Variants in NCOA7 observed in about 807,000 individuals in gnomAD.
The protein encoded by NCOA7 is nuclear receptor coactivator 7.
NCOA7 carries 45 observed loss-of-function variants against 104.3 expected under a neutral mutation model. The observed-to-expected ratio is 0.43, with a 90% CI of 0.34 to 0.55. The LOEUF is 0.55. Ranked by LOEUF, NCOA7 falls within the 20% of genes least tolerant of loss-of-function variation. The probability of loss-of-function intolerance (pLI) is 0.02; values close to 1 mark genes in which losing one functional copy is unlikely to be tolerated. For synonymous variants in NCOA7, 398 were observed against 402.3 expected (o/e 0.99, Z 0.13); for missense variants, 1,041 against 1,119.7 (o/e 0.93, Z 1.00).
At chr6:125,899,285 T>C (rs914440399) in intron 10 of NCOA7, among the ~76,000 whole-genome samples, 8 of 152,240 alleles carry the variant, frequency 5.3e-5, no homozygotes, top group African/African-American at 1.9e-4. Context: ...CCTAGTTTTC[T>C]AGCATGAAAT....
intron 10 of NCOA7, among the ~76,000 whole-genome samples, chr6:125,893,635 G>A (rs1362098108): frequency 2.0e-5 from 3 of 152,162 alleles, no homozygotes; most frequent in African/African-American, 7.2e-5. Flanking sequence ...GGACAGCAAC[G>A]ATGGAAACCT....
intron 3 of NCOA7, among the ~76,000 whole-genome samples, chr6:125,858,051 TTTC>T (rs796811812): frequency 6.1e-4 from 93 of 152,214 alleles, no homozygotes; most frequent in African/African-American, 2.1e-3. Flanking sequence ...TCAGTCATCA[TTTC>T]TTCCAGAAGC....
chr6:125,920,833 T>G, intron 11 of NCOA7, 110 bp from the exon 12 acceptor site: 1 of 1,386,810 alleles, frequency 7.2e-7, no homozygotes, highest in Non-Finnish European at 9.7e-7. Context: ...GATTTCCTGC[T>G]GCCGAAGCGT....
intron 1 of NCOA7, among the ~76,000 whole-genome samples, chr6:125,783,982 T>C (rs899765366): frequency 6.6e-6 from 1 of 152,222 alleles, no homozygotes; most frequent in Non-Finnish European, 1.5e-5. Flanking sequence ...TTTACAATCT[T>C]CTGCTGTTAC....
At chr6:125,884,628 T>A (rs1332406275) in intron 7 of NCOA7, among the ~76,000 whole-genome samples, 1 of 152,232 alleles carries the variant, frequency 6.6e-6, no homozygotes, top group Non-Finnish European at 1.5e-5. Flanking sequence ...TGTTCCTATT[T>A]ACTTTGACTT....
At chr6:125,790,513 C>A (rs968266542), upstream of NCOA7, among the ~76,000 whole-genome samples, 7 of 152,136 alleles carry the variant, frequency 4.6e-5, no homozygotes, top group African/African-American at 1.7e-4. Context: ...GGGATCGCGG[C>A]AGCGGAGGCT....
At chr6:125,886,339 A>G (rs1477089190) in intron 8 of NCOA7, among the ~76,000 whole-genome samples, 1 of 152,168 alleles carries the variant, frequency 6.6e-6, no homozygotes, top group Non-Finnish European at 1.5e-5. Flanking sequence ...TTTTGCTGCC[A>G]GAAGTGTCTA....
intron 6 of NCOA7, among the ~76,000 whole-genome samples, chr6:125,881,493 G>A (rs1783818227): frequency 6.6e-6 from 1 of 151,926 alleles, no homozygotes; most frequent in Non-Finnish European, 1.5e-5. Context: ...AATATAGTGA[G>A]ATTCTGTCTC....
intron 3 of NCOA7, 129 bp downstream of exon 3, chr6:125,855,369 C>T (rs1445570826): frequency 1.5e-6 from 1 of 675,810 alleles, no homozygotes; most frequent in Admixed American, 2.9e-5. Context: ...TGCCCCTGGC[C>T]CTTGCTTTAC....
At chr6:125,812,790 T>G (rs1337061287) in intron 1 of NCOA7, among the ~76,000 whole-genome samples, 1 of 152,190 alleles carries the variant, frequency 6.6e-6, no homozygotes, top group Non-Finnish European at 1.5e-5. Context: ...TCATGTATAT[T>G]GTACTAGATC....
chr6:125,928,636 G>A lies in NCOA7; in HGVS notation c.2694G>A (p.Gly898=), dbSNP rs1788254837. 6.3e-7 allele frequency: 1 copy of A among 1,597,912 alleles called. No individual in the cohort carries two copies. The highest frequency in any genetic ancestry group is 1.1e-5 in the South Asian group (1 of 87,368). ...DISSLELGGG[G]GRFGLWLDAD... ...TTTTTTTTTTTTTTAACCTTTTCAG[G>A]GGACGATTTGGTTTATGGCTAGATG... The change falls in exon 16 of 16, where the codon GGG becomes GGA. Residue 898 remains glycine (G), a splice_region_variant and synonymous_variant. Coordinates refer to ENST00000392477, the MANE Select transcript of NCOA7 (RefSeq NM_181782.5).
Position 125,881,152 on chromosome 6 carries a change from T to G in NCOA7, c.522T>G (p.Pro174=), listed in dbSNP as rs1783792112. The G allele has an allele frequency of 6.2e-7, 1 of 1,613,918 alleles. No individual in the cohort carries two copies. Among genetic ancestry groups the G allele is most frequent in the South Asian group, 1.1e-5 (1 of 91,090 alleles). Residue 174 remains proline (P), a synonymous_variant, in exon 6 of 16, where the codon CCT becomes CCG. Coordinates refer to ENST00000392477, the MANE Select transcript of NCOA7 (RefSeq NM_181782.5). ...CCTTAAGGCTATCATCATCCAGTCC[T>G]GGTGCTACTGTCTCTCCTTCATCAT... ...SSTLRLSSSS[P]GATVSPSSSD...
intron 1 of NCOA7, among the ~76,000 whole-genome samples, chr6:125,812,002 AGTGCT>A (rs1483115506): frequency 2.0e-5 from 3 of 152,240 alleles, no homozygotes; most frequent in African/African-American, 7.2e-5. Flanking sequence ...CACCACAGCT[AGTGCT>A]GTTGAATTAA....
intron 6 of NCOA7, among the ~76,000 whole-genome samples, 179 bp downstream of exon 6, chr6:125,881,382 C>T (rs1783808946): frequency 6.6e-6 from 1 of 151,906 alleles, no homozygotes; most frequent in African/African-American, 2.4e-5. Flanking sequence ...GTTTCAAAGG[C>T]AAAAATGGCC....
intron 3 of NCOA7, among the ~76,000 whole-genome samples, chr6:125,860,040 C>A (rs1465624100): frequency 6.6e-6 from 1 of 152,116 alleles, no homozygotes; most frequent in African/African-American, 2.4e-5. Context: ...AATCTAGATC[C>A]AACACCTAGC....
chr6:125,873,623 G>T (rs539880364), intron 3 of NCOA7, among the ~76,000 whole-genome samples: 1 of 152,124 alleles, frequency 6.6e-6, no homozygotes, highest in Non-Finnish European at 1.5e-5. Flanking sequence ...GGTCCCTTAT[G>T]ATGTACATAA....
chr6:125,917,596 A>C (rs918546064), intron 11 of NCOA7, among the ~76,000 whole-genome samples: 2 of 152,162 alleles, frequency 1.3e-5, no homozygotes, highest in East Asian at 3.8e-4. Flanking sequence ...GACAGATCTC[A>C]ATCAATTTAG....
intron 10 of NCOA7, chr6:125,913,518 A>G (rs1786778526): frequency 2.2e-6 from 1 of 445,332 alleles, no homozygotes; most frequent in South Asian, 9.4e-5. Context: ...CCAAGTTGAA[A>G]CATAACCATC....
chr6:125,874,944 G>A lies in NCOA7; in HGVS notation c.327G>A (p.Lys109=), dbSNP rs764917069. ...AAGAGAAGAAGATGGTGGTTCAGAA[G>A]CCCCATGGGACTATGGAATACACTG... ...DKKEKKMVVQ[K]PHGTMEYTAG... Residue 109 remains lysine, a synonymous_variant, in exon 4 of 16, where the codon AAG becomes AAA. Transcript: ENST00000392477. 1.2e-6 allele frequency: 2 copies of A among 1,613,536 alleles called. No individual in the cohort carries two copies. Among genetic ancestry groups the A allele is most frequent in the Admixed American group, 3.3e-5 (2 of 60,014 alleles).
Sources: gnomAD v4.1 joint callset for allele counts (sites outside exome capture counted in the v4.1 genomes callset) on GRCh38, gnomAD v4.1.1 for gene constraint, MANE v1.5 for transcripts, NCBI Gene and HGNC (gene_info 2026-07-23, HGNC 2026-07-21) for gene names.